The following OR4K1 variants were observed in gnomAD, a reference collection of about 807,000 sequenced individuals.
The protein encoded by OR4K1 is olfactory receptor 4K1.
In OR4K1, 16 loss-of-function variants were observed where a neutral mutation model predicts 14.4. That is an observed-to-expected ratio of 1.11 (90% confidence interval 0.75 to 1.68). The LOEUF is 1.68. Ranked by LOEUF, OR4K1 falls within the 40% of genes most tolerant of loss-of-function variation. OR4K1 has a pLI of 0.00. For synonymous variants in OR4K1, 181 were observed against 133.1 expected, an observed-to-expected ratio of 1.36 and a Z score of -2.48; for missense variants, 548 against 376.9, an observed-to-expected ratio of 1.45 and a Z score of -3.76.
At chr14:19,920,604 AC>A in the OR4K1 span, 2 of 1,596,776 alleles carry the variant, frequency 1.3e-6, no homozygotes, top group South Asian at 2.3e-5. Context: ...GCAGCTTGGA[AC>A]CATGGATAAG....
At chr14:19,920,827 C>T in the OR4K1 span, 1 of 1,614,214 alleles carries the variant, frequency 6.2e-7, no homozygotes, top group East Asian at 2.2e-5. Context: ...ATTTGTCAGG[C>T]TTCTTTTGCT....
Position 19,936,120 on chromosome 14 carries a change from G to A in OR4K1, c.454G>A (p.Gly152Ser). 6.2e-7 allele frequency: 1 copy of A among 1,614,160 alleles called. No homozygotes were observed. The highest frequency in any genetic ancestry group is 2.2e-5 in the East Asian group (1 of 44,890). Residue 152 changes from glycine to serine, a missense_variant, in exon 2 of 2, where the codon GGC becomes AGC. Physicochemically the swap from Gly to Ser is moderately conservative, Grantham distance 56. Coordinates refer to ENST00000641172, the MANE Select transcript of OR4K1 (RefSeq NM_001004063.3). ...TTTTGTGTCTATTTCCTGGGCGGTG[G>A]GCGTTCTTCATTCTGTGAGCCACTT... The part of the protein sequence containing the change: ...VIFVSISWAV[G>S]VLHSVSHLAF...
chr14:19,932,949 AAAT>A (rs35455962), intron 1 of OR4K1, among the ~76,000 whole-genome samples: 113,206 of 149,652 alleles, frequency 0.76, 41,533 homozygotes, highest in Middle Eastern at 0.86. Context: ...CTTTATATAA[AAAT>A]AATAATATTT....
chr14:19,930,488 C>G (rs1882161836), upstream of OR4K1, among the ~76,000 whole-genome samples: 1 of 152,204 alleles, frequency 6.6e-6, no homozygotes, highest in African/African-American at 2.4e-5. Context: ...TAGATTTACT[C>G]TTTAAATTAC....
At chr14:19,928,956 T>G (rs1242427240), upstream of OR4K1, among the ~76,000 whole-genome samples, 3 of 151,948 alleles carry the variant, frequency 2.0e-5, no homozygotes, top group African/African-American at 4.8e-5. Context: ...TGATTGTGGG[T>G]TTTTTTGATA....
the OR4K1 span, among the ~76,000 whole-genome samples, chr14:19,925,450 A>G: frequency 5.4e-4 from 83 of 152,362 alleles, no homozygotes; most frequent in Admixed American, 3.4e-3. Context: ...GTTAATTAAC[A>G]TATTTCTCCC....
chr14:19,920,980 C>T, the OR4K1 span: 1 of 1,614,162 alleles, frequency 6.2e-7, no homozygotes, highest in Non-Finnish European at 8.5e-7. Context: ...AGGTATGTAG[C>T]CATATGCAAA....
At chr14:19,927,923 G>A (rs964568422), upstream of OR4K1, among the ~76,000 whole-genome samples, 6 of 152,314 alleles carry the variant, frequency 3.9e-5, no homozygotes, top group African/African-American at 1.4e-4. Flanking sequence ...TGAAGAAACT[G>A]GAATTTATTG....
the OR4K1 span, chr14:19,921,419 T>C: frequency 6.2e-7 from 1 of 1,614,156 alleles, no homozygotes; most frequent in South Asian, 1.1e-5. Context: ...ATAAATTTCT[T>C]GCCATATTTT....
At chr14:19,921,739 T>C in the OR4K1 span, 3 of 784,524 alleles carry the variant, frequency 3.8e-6, no homozygotes, top group Non-Finnish European at 5.6e-6. Flanking sequence ...GAAAGTTAAA[T>C]ATAAAAACAT....
At chr14:19,924,247 A>G in the OR4K1 span, among the ~76,000 whole-genome samples, 5 of 152,052 alleles carry the variant, frequency 3.3e-5, no homozygotes, top group African/African-American at 1.2e-4. Flanking sequence ...CTAAAAATAC[A>G]AAATTAGCCG....
chr14:19,921,279 G>GTTTGGCTCAAGAC, the OR4K1 span: 2 of 1,614,128 alleles, frequency 1.2e-6, no homozygotes, highest in Non-Finnish European at 8.5e-7. Flanking sequence ...TCTTGTTACA[G>GTTTGGCTCAAGAC]TTTGGCTCAA....
In OR4K1 at chr14:19,936,166, C is replaced by T. The variant is rs778279421; in HGVS notation, c.500C>T (p.Pro167Leu). The T allele has an allele frequency of 6.2e-7, 1 of 1,614,116 alleles. No homozygotes were observed. The highest frequency in any genetic ancestry group is 1.3e-5 in the African/African-American group (1 of 74,934). ...CACTTGGCTTTTACAGTGGACCTGC[C>T]ATTCTGTGGTCCCAATGAGGTGGAT... ...VSHLAFTVDL[P>L]FCGPNEVDSF... The change falls in exon 2 of 2, where the codon CCA becomes CTA. Residue 167 changes from proline (P) to leucine (L), a missense_variant. By Grantham distance (98) the Pro-to-Leu change is moderately conservative. Transcript: ENST00000641172.
chr14:19,932,258 C>T lies in OR4K1; in HGVS notation c.-20+1113C>T, dbSNP rs182784045. On this transcript the variant is annotated intron_variant, in intron 1 of 1. Coordinates refer to ENST00000641172, the MANE Select transcript of OR4K1 (RefSeq NM_001004063.3). Reference sequence around the variant, plus strand: ...TTTGAAAAAGGAATAATTCCACTAACATTATTTAACAATTTTTTGTTAATC... The same window carrying T: ...TTTGAAAAAGGAATAATTCCACTAATATTATTTAACAATTTTTTGTTAATC... Among the ~76,000 whole-genome samples the T allele has an allele frequency of 4.2e-4, 64 of 152,278 alleles. 1 individual carries two copies. In the East Asian group the frequency reaches 0.01, roughly 25 times the overall value.
chr14:19,925,274 T>G, the OR4K1 span, among the ~76,000 whole-genome samples: 1 of 152,254 alleles, frequency 6.6e-6, no homozygotes, highest in South Asian at 2.1e-4. Flanking sequence ...TTACTATTTT[T>G]GACATTGAAC....
At chr14:19,920,857 A>G in the OR4K1 span, 1 of 1,614,144 alleles carries the variant, frequency 6.2e-7, no homozygotes, top group Admixed American at 1.7e-5. Flanking sequence ...ATGATTGCAG[A>G]TTTTCTGAGT....
At position 19,935,898 on chromosome 14, in the gene OR4K1, A is replaced by G; in HGVS notation, c.232A>G (p.Thr78Ala). The change falls in exon 2 of 2, where the codon ACC becomes GCC. Residue 78 changes from threonine (T) to alanine (A), a missense_variant. By Grantham distance (58) the Thr-to-Ala change is moderately conservative. Coordinates refer to ENST00000641172, the MANE Select transcript of OR4K1 (RefSeq NM_001004063.3). ...FIDICQSNFATPKMLVDFFIE... is the reference protein window; with the variant it reads ...FIDICQSNFAAPKMLVDFFIE... ...TGATATCTGTCAGTCTAACTTTGCC[A>G]CCCCCAAGATGCTTGTAGACTTTTT... 6.2e-7 allele frequency: 1 copy of G among 1,614,214 alleles called. No homozygotes were observed. The highest frequency in any genetic ancestry group is 2.2e-5 in the East Asian group (1 of 44,894).
chr14:19,923,486 T>C, the OR4K1 span, among the ~76,000 whole-genome samples: 1 of 152,230 alleles, frequency 6.6e-6, no homozygotes, highest in Non-Finnish European at 1.5e-5. Context: ...ATGTGTTAAT[T>C]GACATACAAA....
chr14:19,932,391 G>T (rs10144094), intron 1 of OR4K1, among the ~76,000 whole-genome samples: 1 of 150,942 alleles, frequency 6.6e-6, no homozygotes, highest in African/African-American at 2.4e-5. Context: ...CTCCCCCTTT[G>T]TCTTCTTGAG....
Sources: allele counts gnomAD v4.1 joint callset (sites outside exome capture counted in the v4.1 genomes callset), GRCh38; gene constraint gnomAD v4.1.1; transcripts MANE v1.5; gene names NCBI Gene and HGNC (gene_info 2026-07-23, HGNC 2026-07-21).